Variants in EP300 observed in about 807,000 individuals in gnomAD.
EP300 encodes EP300 lysine acetyltransferase.
EP300 carries 31 observed loss-of-function variants against 264.0 expected under a neutral mutation model. The ratio of observed to expected loss-of-function variants is 0.12; its 90% CI spans 0.09 to 0.16. EP300 has a LOEUF of 0.16. Among genes scored for constraint, EP300 ranks in the 10% least tolerant of loss-of-function variants. The probability of loss-of-function intolerance (pLI) is 1.00; values close to 1 mark genes in which losing one functional copy is unlikely to be tolerated. For missense variants in EP300, 2,766 were observed against 3,052.9 expected, an observed-to-expected ratio of 0.91 and a Z score of 2.21; for synonymous variants, 1,340 against 1,045.4, an observed-to-expected ratio of 1.28 and a Z score of -5.44.
chr22:41,107,846 A>G (rs570591976), intron 1 of EP300, among the ~76,000 whole-genome samples: 4 of 151,746 alleles, frequency 2.6e-5, no homozygotes, highest in South Asian at 4.2e-4. Flanking sequence ...GATTACAGGC[A>G]TGTGCCACCA....
At position 41,178,303 on chromosome 22, in the gene EP300, G is replaced by A. The variant is rs370216095; in HGVS notation, c.6592G>A (p.Gly2198Arg). 48 of 1,614,042 alleles carry A rather than the reference G, an allele frequency of 3.0e-5. No individual in the cohort carries two copies. The highest frequency in any genetic ancestry group is 2.5e-5 in the Non-Finnish European group (30 of 1,180,026). ...MMQQQQQQGA[G>R]PGIGPGMANH... ...GCAACAGCAGCAGCAACAGGGAGCAGGGCCAGGAATAGGCCCTGGAATGGC... is the reference window on the plus strand; with the variant it reads ...GCAACAGCAGCAGCAACAGGGAGCAAGGCCAGGAATAGGCCCTGGAATGGC... The change falls in exon 31 of 31, where the codon GGG (glycine) becomes AGG (arginine). Residue 2198 changes from glycine (G) to arginine (R), a missense_variant. By Grantham distance (125) the Gly-to-Arg change is moderately radical (BLOSUM62 -2). Coordinates refer to ENST00000263253, the MANE Select transcript of EP300 (RefSeq NM_001429.4).
chr22:41,144,797 A>G (rs933541400), intron 10 of EP300, among the ~76,000 whole-genome samples: 2 of 152,316 alleles, frequency 1.3e-5, no homozygotes, highest in Non-Finnish European at 2.9e-5. Flanking sequence ...TGTGGGCAGT[A>G]GGATTGCGGT....
At position 41,137,739 on chromosome 22, in the gene EP300, A is replaced by G. The variant is rs1298081293; in HGVS notation, c.1709A>G (p.Gln570Arg). The G allele has an allele frequency of 3.9e-5, 63 of 1,614,140 alleles. No homozygotes were observed. Among genetic ancestry groups the G allele is most frequent in the Non-Finnish European group, 5.2e-5 (61 of 1,180,058 alleles). ...CCATCCACTACTGGAATTCGGAAAC[A>G]GTGGCACGAAGATATTACTCAGGAT... ...AQPSTTGIRK[Q>R]WHEDITQDLR... Residue 570 changes from glutamine to arginine, a missense_variant, in exon 8 of 31, where the codon CAG becomes CGG. Transcript: ENST00000263253.
At chr22:41,127,852 C>A in intron 4 of EP300, 104 bp downstream of exon 4, 1 of 1,426,472 alleles carries the variant, frequency 7.0e-7, no homozygotes, top group Admixed American at 1.8e-5. Context: ...TGTTTAATAC[C>A]TTAATTGTGG....
chr22:41,119,322 C>G (rs1601599667), intron 2 of EP300, among the ~76,000 whole-genome samples: 1 of 151,788 alleles, frequency 6.6e-6, no homozygotes, highest in East Asian at 1.9e-4. Context: ...TGCACCCATC[C>G]TCTGACACTT....
intron 19 of EP300, chr22:41,158,902 C>G (rs1489993739): frequency 1.3e-5 from 3 of 236,366 alleles, no homozygotes; most frequent in African/African-American, 6.8e-5. Context: ...TAGATGAGGC[C>G]TATCCCTAAG....
intron 2 of EP300, among the ~76,000 whole-genome samples, chr22:41,120,950 G>A (rs1016983625): frequency 6.6e-6 from 1 of 152,046 alleles, no homozygotes; most frequent in Admixed American, 6.6e-5. Context: ...ACCTGCCTTG[G>A]TCTTCCAAAG....
chr22:41,178,353 C>T lies in EP300; in HGVS notation c.6642C>T (p.Pro2214=), dbSNP rs147355603. The change falls in exon 31 of 31, where the codon CCC becomes CCT. Residue 2214 remains proline (P), a synonymous_variant. Coordinates refer to ENST00000263253, the MANE Select transcript of EP300 (RefSeq NM_001429.4). ...CCAACCATAACCAGTTCCAGCAACCCCAAGGAGTTGGCTACCCACCACAGC... is the reference window on the plus strand; with the variant it reads ...CCAACCATAACCAGTTCCAGCAACCTCAAGGAGTTGGCTACCCACCACAGC... ...GMANHNQFQQ[P]QGVGYPPQQQ... The T allele has an allele frequency of 1.2e-6, 2 of 1,614,156 alleles. No individual in the cohort carries two copies. Among genetic ancestry groups the T allele is most frequent in the Non-Finnish European group, 1.7e-6 (2 of 1,180,022 alleles).
chr22:41,156,023 T>G (rs1339075372), intron 17 of EP300, among the ~76,000 whole-genome samples: 6 of 152,156 alleles, frequency 3.9e-5, no homozygotes, highest in African/African-American at 1.4e-4. Context: ...TGTTTTTTGT[T>G]TTTTTGAGAT....
intron 7 of EP300, 139 bp from the exon 8 acceptor site, chr22:41,137,514 T>A: frequency 8.9e-7 from 1 of 1,126,518 alleles, no homozygotes; most frequent in Non-Finnish European, 1.3e-6. Context: ...GTCACACACT[T>A]CTCCCTGCCT....
In EP300 at chr22:41,126,729, C is replaced by CTTTTTTTTTTTTTTTTTT. The variant is rs71328775; in HGVS notation, c.906+704_906+721dup. Among the ~76,000 whole-genome samples the CTTTTTTTTTTTTTTTTTT allele has an allele frequency of 4.1e-5, 2 of 48,792 alleles. 1 individual carries two copies. Among genetic ancestry groups the CTTTTTTTTTTTTTTTTTT allele is most frequent in the Non-Finnish European group, 6.8e-5 (2 of 29,212 alleles). 32.0% of individuals were successfully genotyped at this position (48,792 alleles called of 152,430 possible). A position where few individuals can be genotyped will look rare whatever the true frequency, so the allele number is the denominator to read the frequency against. On this transcript the variant is annotated intron_variant, in intron 3 of 30. Transcript: ENST00000263253. ...TCATCTCTGTCCCGAGAAATGTTCA[C>CTTTTTTTTTTTTTTTTTT]TTTTTTTTTTTTTTTTTTTTTTTTT...
chr22:41,167,582 GTGTATATATATATATATATATA>G (rs1369956187), intron 23 of EP300, among the ~76,000 whole-genome samples: 397 of 21,678 alleles, frequency 0.018, 21 homozygotes, highest in African/African-American at 0.065. Flanking sequence ...GTGTGTGTGT[GTGTATATATATATATATATATA>G]TATATATATA....
At chr22:41,098,073 T>C (rs2058711713) in intron 1 of EP300, among the ~76,000 whole-genome samples, 1 of 152,148 alleles carries the variant, frequency 6.6e-6, no homozygotes, top group Non-Finnish European at 1.5e-5. Context: ...TATGTATACA[T>C]GTGCCATGTT....
chr22:41,153,579 G>T (rs1235250751), intron 16 of EP300, among the ~76,000 whole-genome samples: 1 of 152,010 alleles, frequency 6.6e-6, no homozygotes, highest in Non-Finnish European at 1.5e-5. Context: ...GTGAAACTCT[G>T]TCTCTACTAA....
At chr22:41,136,053 C>T (rs1158617232) in intron 7 of EP300, 147 bp downstream of exon 7, 5 of 719,376 alleles carry the variant, frequency 7.0e-6, no homozygotes, top group Non-Finnish European at 1.2e-5. Flanking sequence ...TCTTTTTTCG[C>T]TCTGTAGCCC....
At chr22:41,100,254 G>A (rs934171597) in intron 1 of EP300, among the ~76,000 whole-genome samples, 4 of 152,058 alleles carry the variant, frequency 2.6e-5, no homozygotes, top group Non-Finnish European at 5.9e-5. Context: ...ACAAAAATTA[G>A]TGTTTATTTC....
At chr22:41,129,434 T>G (rs189850542) in intron 4 of EP300, among the ~76,000 whole-genome samples, 3 of 152,366 alleles carry the variant, frequency 2.0e-5, no homozygotes, top group Admixed American at 1.3e-4. Flanking sequence ...ATAGCATACT[T>G]TAAATGTTAT....
rs1601618939 is a variant in EP300 at position 41,149,099 on chromosome 22, C to A, written c.2303C>A (p.Thr768Asn). 2 of 1,613,604 alleles carry A rather than the reference C, an allele frequency of 1.2e-6. No homozygotes were observed. The highest frequency in any genetic ancestry group is 1.7e-6 in the Non-Finnish European group (2 of 1,179,898). Residue 768 changes from threonine to asparagine, a missense_variant, in exon 13 of 31, where the codon ACT becomes AAT. By Grantham distance (65) the Thr-to-Asn change is moderately conservative (BLOSUM62 0). Transcript: ENST00000263253. Reference protein sequence around the residue: ...PSNQGQFLPQTQFPSQGMNVT... With the variant: ...PSNQGQFLPQNQFPSQGMNVT... The stretch of plus-strand genomic sequence containing the variant: ...AACCAGGGCCAGTTCCTTCCTCAGA[C>A]TCAGTTCCCATCACAGGGAATGAAT...
At chr22:41,135,767 G>A (rs982903779) in intron 6 of EP300, 46 bp from the exon 7 acceptor site, 1 of 1,342,526 alleles carries the variant, frequency 7.4e-7, no homozygotes, top group African/African-American at 1.4e-5. Flanking sequence ...ATTGTATGGT[G>A]GCTGTTGTAT....
Sources: allele counts gnomAD v4.1 joint callset (sites outside exome capture counted in the v4.1 genomes callset), GRCh38; gene constraint gnomAD v4.1.1; transcripts MANE v1.5; gene names NCBI Gene and HGNC (gene_info 2026-07-23, HGNC 2026-07-21).